Variants in FAM184A observed in about 807,000 individuals in gnomAD.
FAM184A encodes the protein protein FAM184A.
Under a neutral mutation model 143.8 loss-of-function variants are expected in FAM184A, and 99 were observed. The ratio of observed to expected loss-of-function variants is 0.69; its 90% confidence interval spans 0.58 to 0.81. The LOEUF is 0.81. FAM184A is among the 40% of genes least tolerant of loss of function. FAM184A has a pLI of 0.00. For synonymous variants in FAM184A, 427 were observed against 446.4 expected (o/e 0.96, Z 0.55); for missense variants, 1,217 against 1,310.5 (o/e 0.93, Z 1.10).
chr6:119,142,004 C>T (rs1772254882), intron 1 of FAM184A, among the ~76,000 whole-genome samples: 1 of 152,180 alleles, frequency 6.6e-6, no homozygotes, highest in Non-Finnish European at 1.5e-5. Flanking sequence ...TCTATAAATG[C>T]TGATTTTCAT....
At chr6:119,005,091 TTAA>T (rs1251393420) in intron 7 of FAM184A, among the ~76,000 whole-genome samples, 1 of 152,182 alleles carries the variant, frequency 6.6e-6, no homozygotes, top group African/African-American at 2.4e-5. Context: ...AAAACACCTC[TTAA>T]TATAGTTTGG....
chr6:118,967,121 T>C (rs1185796923), intron 14 of FAM184A, among the ~76,000 whole-genome samples, 169 bp from the exon 15 acceptor site: 3 of 152,192 alleles, frequency 2.0e-5, no homozygotes, highest in Non-Finnish European at 4.4e-5. Flanking sequence ...AGAGCAGTAG[T>C]TGCATTAAAG....
At chr6:119,077,399 A>G (rs1490988039) in intron 1 of FAM184A, among the ~76,000 whole-genome samples, 1 of 152,250 alleles carries the variant, frequency 6.6e-6, no homozygotes, top group East Asian at 1.9e-4. Flanking sequence ...GCAGAGCAAT[A>G]TAACAGATAT....
chr6:119,017,907 TCCTC>T (rs1217118937), intron 4 of FAM184A, among the ~76,000 whole-genome samples: 1 of 152,118 alleles, frequency 6.6e-6, no homozygotes, highest in Non-Finnish European at 1.5e-5. Context: ...GGCACCTCCT[TCCTC>T]TCTCTCGCTC....
chr6:119,108,680 A>C (rs948452379), intron 1 of FAM184A, among the ~76,000 whole-genome samples: 1 of 152,168 alleles, frequency 6.6e-6, no homozygotes, highest in Non-Finnish European at 1.5e-5. Context: ...CCTCTTTGGA[A>C]GGAGTCACCC....
intron 1 of FAM184A, among the ~76,000 whole-genome samples, chr6:119,071,147 T>C (rs1014996855): frequency 1.3e-5 from 2 of 152,216 alleles, no homozygotes; most frequent in South Asian, 2.1e-4. Flanking sequence ...TCCAGTCACA[T>C]ATTCCTGCTG....
chr6:119,017,905 C>T (rs977179139), intron 4 of FAM184A, among the ~76,000 whole-genome samples: 16 of 152,156 alleles, frequency 1.1e-4, no homozygotes, highest in African/African-American at 3.9e-4. Flanking sequence ...CTGGCACCTC[C>T]TTCCTCTCTC....
intron 6 of FAM184A, among the ~76,000 whole-genome samples, chr6:119,007,871 G>A (rs1784973333): frequency 1.3e-5 from 2 of 151,958 alleles, no homozygotes; most frequent in South Asian, 2.1e-4. Context: ...CACCTGGGAG[G>A]CAGAGGTTGC....
rs887804810 is a variant in FAM184A, at chr6:119,112,272, C to T, written c.-202+36806G>A. Among the ~76,000 whole-genome samples, 120 of 152,154 alleles carry T rather than the reference C, an allele frequency of 7.9e-4. 1 individual carries two copies. Among genetic ancestry groups the T allele is most frequent in the African/African-American group, 2.7e-3 (113 of 41,500 alleles). ...TCAGCCTCCTCAGTAGCTGGGATTA[C>T]AGGCACGTTACATGCCCGGCTAATT... On this transcript the variant is annotated intron_variant, in intron 1 of 16. Coordinates refer to the FAM184A transcript ENST00000352896.
chr6:118,993,040 A>G (rs974213210), intron 9 of FAM184A, among the ~76,000 whole-genome samples: 1 of 152,246 alleles, frequency 6.6e-6, no homozygotes, highest in Non-Finnish European at 1.5e-5. Flanking sequence ...TTAAATAAAT[A>G]CTGGATAAAC....
intron 1 of FAM184A, among the ~76,000 whole-genome samples, chr6:119,062,535 A>C (rs1303363793): frequency 1.3e-5 from 2 of 152,018 alleles, no homozygotes; most frequent in Non-Finnish European, 2.9e-5. Flanking sequence ...GGTGTGAGCC[A>C]ATAGTCCCAG....
intron 9 of FAM184A, among the ~76,000 whole-genome samples, chr6:118,995,912 T>G (rs552512914): frequency 7.2e-5 from 11 of 152,354 alleles, no homozygotes; most frequent in Non-Finnish European, 1.2e-4. Flanking sequence ...TCACCGACTG[T>G]TCTGCATTTC....
rs368471864 is a variant in FAM184A, at chr6:118,989,394, ATTT to A, written c.2089-9047_2089-9045del. Among the ~76,000 whole-genome samples the A allele has an allele frequency of 5.9e-3, 855 of 144,982 alleles. 6 individuals carry two copies. Among genetic ancestry groups the A allele is most frequent in the Non-Finnish European group, 8.1e-3 (517 of 64,212 alleles). On this transcript the variant is annotated intron_variant, in intron 9 of 17. Transcript: ENST00000338891. The stretch of plus-strand genomic sequence containing the variant: ...TTACCTTCCAAAAATACAAAATAAT[ATTT>A]TTATTTATATTGCTATATTTTTATA...
chr6:119,018,329 G>A (rs749083858), intron 4 of FAM184A, among the ~76,000 whole-genome samples: 33 of 152,096 alleles, frequency 2.2e-4, no homozygotes, highest in Non-Finnish European at 4.3e-4. Context: ...CAACCCCAGA[G>A]GAAATTAATG....
intron 9 of FAM184A, among the ~76,000 whole-genome samples, chr6:118,986,242 G>A (rs1259005667): frequency 6.6e-6 from 1 of 151,888 alleles, no homozygotes; most frequent in Admixed American, 6.6e-5. Context: ...GCAGTGAGCC[G>A]AGATTGCGCC....
chr6:119,075,972 A>C (rs1787858458), intron 1 of FAM184A, among the ~76,000 whole-genome samples: 1 of 152,234 alleles, frequency 6.6e-6, no homozygotes, highest in Non-Finnish European at 1.5e-5. Flanking sequence ...GCCTCATCTT[A>C]GTAAATAAAA....
chr6:119,024,696 G>C lies in FAM184A; in HGVS notation c.277C>G (p.Gln93Glu). ...TCCTCTGTTACTTTGCTTTTATACT[G>C]CAATATTTTTTCTCTTGTTTCAGCA... Reference protein sequence around the residue: ...ILAETREKILQYKSKVTEELD... With the variant: ...ILAETREKILEYKSKVTEELD... Residue 93 changes from glutamine (Q) to glutamate (E), a missense_variant, in exon 2 of 18, where the codon CAG becomes GAG. Coordinates refer to ENST00000338891, the MANE Select transcript of FAM184A (RefSeq NM_024581.6). 1 of 1,613,796 alleles carries C rather than the reference G, an allele frequency of 6.2e-7. No individual in the cohort carries two copies. The highest frequency in any genetic ancestry group is 1.3e-5 in the African/African-American group (1 of 74,994).
At chr6:119,112,574 T>C (rs542176804) in intron 1 of FAM184A, among the ~76,000 whole-genome samples, 1 of 152,336 alleles carries the variant, frequency 6.6e-6, no homozygotes, top group South Asian at 2.1e-4. Context: ...TCCTTTATCC[T>C]TTTCACTTTC....
chr6:119,135,399 C>T (rs1314089319), intron 1 of FAM184A, among the ~76,000 whole-genome samples: 1 of 151,998 alleles, frequency 6.6e-6, no homozygotes, highest in Non-Finnish European at 1.5e-5. Context: ...TGCTGTGTTT[C>T]CCAAAGACCA....
Sources: gnomAD v4.1 joint callset for allele counts (sites outside exome capture counted in the v4.1 genomes callset) on GRCh38, gnomAD v4.1.1 for gene constraint, MANE v1.5 for transcripts, NCBI Gene and HGNC (gene_info 2026-07-23, HGNC 2026-07-21) for gene names.